MEF2C: variants seen among roughly 807,000 people sequenced by gnomAD.
MEF2C encodes myocyte enhancer factor 2C.
MEF2C carries 6 observed loss-of-function variants against 50.5 expected under a neutral mutation model. That is an observed-to-expected ratio of 0.12 (90% CI 0.07 to 0.23). MEF2C has a LOEUF of 0.23. MEF2C is among the 10% of genes least tolerant of loss of function. The pLI is 1.00. For synonymous variants in MEF2C, 183 were observed against 228.0 expected, an observed-to-expected ratio of 0.80 and a Z score of 1.78; for missense variants, 276 against 605.0, an observed-to-expected ratio of 0.46 and a Z score of 5.70.
intron 1 of MEF2C, among the ~76,000 whole-genome samples, chr5:88,876,013 G>A (rs968299354): frequency 6.7e-6 from 1 of 149,448 alleles, no homozygotes; most frequent in African/African-American, 2.5e-5. Context: ...TTTATCCTGA[G>A]TGTAATTACT....
At chr5:88,817,322 T>C (rs182607681) in intron 2 of MEF2C, among the ~76,000 whole-genome samples, 2 of 152,112 alleles carry the variant, frequency 1.3e-5, no homozygotes, top group Non-Finnish European at 2.9e-5. Flanking sequence ...TCTATACATC[T>C]CTTTTTATTT....
At chr5:88,889,908 C>T (rs1463830765) in intron 1 of MEF2C, among the ~76,000 whole-genome samples, 1 of 152,196 alleles carries the variant, frequency 6.6e-6, no homozygotes, top group African/African-American at 2.4e-5. Flanking sequence ...TAACAGTGCA[C>T]AAAGCGCTGG....
chr5:88,869,316 C>CATATATATATATATAT (rs1561421830), intron 1 of MEF2C, among the ~76,000 whole-genome samples: 30 of 85,442 alleles, frequency 3.5e-4, no homozygotes, highest in East Asian at 6.1e-4. Flanking sequence ...TATATATATA[C>CATATATATATATATAT]ACATATAGCT....
At chr5:88,890,058 C>T (rs1291053098) in intron 1 of MEF2C, among the ~76,000 whole-genome samples, 1 of 152,096 alleles carries the variant, frequency 6.6e-6, no homozygotes, top group African/African-American at 2.4e-5. Flanking sequence ...ACCTGACAGA[C>T]CAATAGGAAA....
chr5:88,731,405 G>C (rs1761501902), intron 7 of MEF2C: 1 of 239,526 alleles, frequency 4.2e-6, no homozygotes, highest in Admixed American at 5.2e-5. Flanking sequence ...TCTGCTTATG[G>C]GACGTAGAGA....
At chr5:88,848,172 T>C (rs1244860205) in intron 1 of MEF2C, among the ~76,000 whole-genome samples, 1 of 152,158 alleles carries the variant, frequency 6.6e-6, no homozygotes, top group Non-Finnish European at 1.5e-5. Context: ...TAATTTGCCA[T>C]TTAAAAAAAC....
intron 3 of MEF2C, among the ~76,000 whole-genome samples, chr5:88,783,733 A>G (rs1789405341): frequency 6.6e-6 from 1 of 152,216 alleles, no homozygotes; most frequent in East Asian, 1.9e-4. Flanking sequence ...ATGCTCCTCA[A>G]CACTGTGCTA....
At chr5:88,848,571 T>C (rs1000817066) in intron 1 of MEF2C, among the ~76,000 whole-genome samples, 1 of 152,190 alleles carries the variant, frequency 6.6e-6, no homozygotes, top group Admixed American at 6.5e-5. Context: ...TCTTCAGTAG[T>C]ATAACTTCTC....
intron 4 of MEF2C, among the ~76,000 whole-genome samples, chr5:88,755,431 G>C (rs1205229661): frequency 6.6e-6 from 1 of 152,154 alleles, no homozygotes; most frequent in Non-Finnish European, 1.5e-5. Context: ...CACAGTATAA[G>C]TTTTTGGATA....
chr5:88,736,846 T>A, intron 6 of MEF2C: 4 of 985,424 alleles, frequency 4.1e-6, no homozygotes, highest in Non-Finnish European at 4.8e-6. Flanking sequence ...CCTCGGAATA[T>A]ATGCAAATCT....
chr5:88,749,504 T>A, intron 5 of MEF2C: 1 of 984,698 alleles, frequency 1.0e-6, no homozygotes, highest in South Asian at 4.7e-5. Context: ...AAATATGTTT[T>A]ATGCCATTAA....
intron 1 of MEF2C, among the ~76,000 whole-genome samples, chr5:88,898,205 G>A (rs1253235270): frequency 1.3e-5 from 2 of 152,016 alleles, no homozygotes; most frequent in African/African-American, 4.8e-5. Flanking sequence ...ATTCAAAATT[G>A]TAAACAAGAA....
chr5:88,863,987 C>A (rs923125210), intron 1 of MEF2C, among the ~76,000 whole-genome samples: 1 of 151,598 alleles, frequency 6.6e-6, no homozygotes, highest in African/African-American at 2.4e-5. Flanking sequence ...ACGCTTGGCT[C>A]TATTTTGTAT....
intron 3 of MEF2C, among the ~76,000 whole-genome samples, chr5:88,774,434 C>T (rs1278265979): frequency 1.3e-5 from 2 of 151,832 alleles, no homozygotes; most frequent in African/African-American, 2.4e-5. Flanking sequence ...GCCATTCTCC[C>T]GCCTCAGCTT....
chr5:88,884,430 G>A (rs1361025018), upstream of MEF2C: 1 of 152,212 alleles, frequency 6.6e-6, no homozygotes, highest in African/African-American at 2.4e-5. Flanking sequence ...TGGAGCGCTA[G>A]AAAGCGAGCC....
At chr5:88,848,692 A>G (rs1820185566) in intron 1 of MEF2C, among the ~76,000 whole-genome samples, 2 of 152,182 alleles carry the variant, frequency 1.3e-5, no homozygotes, top group African/African-American at 4.8e-5. Flanking sequence ...ACTCCTGGGG[A>G]TACAAATTCC....
At chr5:88,752,663 A>G in intron 4 of MEF2C, 2 of 985,416 alleles carry the variant, frequency 2.0e-6, no homozygotes, top group Non-Finnish European at 2.4e-6. Context: ...ACTATGCTTC[A>G]TATTTTGGTG....
intron 3 of MEF2C, among the ~76,000 whole-genome samples, chr5:88,792,044 A>T (rs550024219): frequency 2.0e-4 from 31 of 152,238 alleles, no homozygotes; most frequent in African/African-American, 6.7e-4. Flanking sequence ...ATTATGTTTT[A>T]TAGTAAATCT....
chr5:88,879,864 C>G (rs1172608440), intron 1 of MEF2C, among the ~76,000 whole-genome samples: 1 of 152,114 alleles, frequency 6.6e-6, no homozygotes, highest in Non-Finnish European at 1.5e-5. Flanking sequence ...AGTGTCTTGC[C>G]ATTCCTCAAC....
Sources: gnomAD v4.1 joint callset for allele counts (sites outside exome capture counted in the v4.1 genomes callset) on GRCh38, gnomAD v4.1.1 for gene constraint, MANE v1.5 for transcripts, NCBI Gene and HGNC (gene_info 2026-07-23, HGNC 2026-07-21) for gene names.